CUL3: variants seen among roughly 807,000 people sequenced by gnomAD.
The protein encoded by CUL3 is cullin-3.
In CUL3, 19 loss-of-function variants were observed where a neutral mutation model predicts 89.1. That is an observed-to-expected ratio of 0.21 (90% CI 0.15 to 0.31). The LOEUF (loss-of-function observed/expected upper bound fraction) is 0.31. Among genes scored for constraint, CUL3 ranks in the 10% least tolerant of loss-of-function variants. The probability of loss-of-function intolerance (pLI) is 1.00; values close to 1 mark genes in which losing one functional copy is unlikely to be tolerated. For missense variants in CUL3, 469 were observed against 942.3 expected (o/e 0.50, Z 6.58); for synonymous variants, 351 against 308.4 (o/e 1.14, Z -1.45).
rs1406834508 is a variant in CUL3, at chr2:224,470,801, ATTAAC to A, written c.*3439_*3443del. 10 of 231,270 alleles carry A rather than the reference ATTAAC, an allele frequency of 4.3e-5. No individual in the cohort carries two copies. The highest frequency in any genetic ancestry group is 7.7e-5 in the Non-Finnish European group (9 of 116,924). The allele number at this position is 231,270 out of a possible 1,614,324, so 14.3% of individuals were successfully genotyped here. A position where few individuals can be genotyped will look rare whatever the true frequency, so the allele number is the denominator to read the frequency against. ...AATTCCATATTGCAATGCTTCATGT[ATTAAC>A]TTTAGTTTGTCACATTACTATTCAT... On this transcript the variant is annotated 3_prime_UTR_variant, in exon 16 of 16. Coordinates refer to ENST00000264414, the MANE Select transcript of CUL3 (RefSeq NM_003590.5).
intron 1 of CUL3, among the ~76,000 whole-genome samples, chr2:224,568,939 C>A (rs545167427): frequency 1.3e-5 from 2 of 152,292 alleles, no homozygotes; most frequent in African/African-American, 2.4e-5. Flanking sequence ...ACTTGCCCAT[C>A]CCTGACACAG....
chr2:224,577,294 C>T (rs1056905906), intron 1 of CUL3, among the ~76,000 whole-genome samples: 2 of 152,130 alleles, frequency 1.3e-5, no homozygotes, highest in Non-Finnish European at 1.5e-5. Flanking sequence ...AGAGGCCGGG[C>T]GCGGTGGCTC....
At chr2:224,572,486 A>G (rs1451458841) in intron 1 of CUL3, among the ~76,000 whole-genome samples, 3 of 151,922 alleles carry the variant, frequency 2.0e-5, no homozygotes, top group Non-Finnish European at 4.4e-5. Context: ...CTCTTAAAAA[A>G]AAAAAAAAAA....
At chr2:224,514,223 C>A (rs1383307660) in intron 4 of CUL3, among the ~76,000 whole-genome samples, 1 of 151,672 alleles carries the variant, frequency 6.6e-6, no homozygotes, top group Non-Finnish European at 1.5e-5. Context: ...AGTTCTTAGT[C>A]ATTTTAGACT....
At chr2:224,556,628 C>CAGG (rs1373615748) in intron 2 of CUL3, among the ~76,000 whole-genome samples, 2 of 152,110 alleles carry the variant, frequency 1.3e-5, no homozygotes, top group African/African-American at 4.8e-5. Flanking sequence ...CACCACTAAA[C>CAGG]AGGACAATTG....
intron 3 of CUL3, among the ~76,000 whole-genome samples, chr2:224,517,188 G>A (rs1248396770): frequency 6.6e-6 from 1 of 152,122 alleles, no homozygotes; most frequent in East Asian, 1.9e-4. Context: ...AAGCACCAGA[G>A]ACAGGAGAAT....
intron 14 of CUL3, among the ~76,000 whole-genome samples, chr2:224,481,066 C>T (rs1353455424): frequency 6.6e-6 from 1 of 152,044 alleles, no homozygotes; most frequent in East Asian, 1.9e-4. Flanking sequence ...TGGTAATCAA[C>T]TGTATATTTA....
chr2:224,564,272 G>C (rs1441622753), intron 1 of CUL3, among the ~76,000 whole-genome samples: 1 of 152,218 alleles, frequency 6.6e-6, no homozygotes, highest in Non-Finnish European at 1.5e-5. Context: ...AACAGAGCAA[G>C]ACTCTGTCTC....
intron 6 of CUL3, among the ~76,000 whole-genome samples, chr2:224,508,828 G>C (rs945047347): frequency 1.3e-5 from 2 of 151,948 alleles, no homozygotes; most frequent in Admixed American, 1.3e-4. Context: ...CGGGCGTGGT[G>C]GCGGGAGCCT....
At chr2:224,558,922 G>C (rs1312045258) in intron 1 of CUL3, among the ~76,000 whole-genome samples, 1 of 151,590 alleles carries the variant, frequency 6.6e-6, no homozygotes, top group East Asian at 1.9e-4. Context: ...CAGGCGTGGT[G>C]GTGGGCGCCT....
chr2:224,470,561 A>G lies in CUL3; in HGVS notation c.*3684T>C, dbSNP rs1290176831. 4.3e-6 allele frequency: 1 copy of G among 231,778 alleles called. No homozygotes were observed. Among genetic ancestry groups the G allele is most frequent in the African/African-American group, 2.2e-5 (1 of 45,286 alleles). The allele number at this position is 231,778 out of a possible 1,614,324, so 14.4% of individuals were successfully genotyped here. A position where few individuals can be genotyped will look rare whatever the true frequency, so the allele number is the denominator to read the frequency against. ...TGACATAGGAAAGGCACACAAAGGA[A>G]AACATTTTGTAAAACTGTAGATTTG... On this transcript the variant is annotated 3_prime_UTR_variant, in exon 16 of 16. Transcript: ENST00000264414.
At chr2:224,513,173 A>G (rs970163018) in intron 5 of CUL3, among the ~76,000 whole-genome samples, 4 of 152,208 alleles carry the variant, frequency 2.6e-5, no homozygotes, top group African/African-American at 4.8e-5. Context: ...GTTATCTGTA[A>G]GGTTTTCAGT....
At chr2:224,555,887 C>T (rs953650388) in intron 2 of CUL3, among the ~76,000 whole-genome samples, 1 of 152,170 alleles carries the variant, frequency 6.6e-6, no homozygotes, top group African/African-American at 2.4e-5. Flanking sequence ...TATATAATGC[C>T]TCACACGGTT....
intron 3 of CUL3, among the ~76,000 whole-genome samples, chr2:224,515,821 T>C (rs1693017964): frequency 6.6e-6 from 1 of 151,888 alleles, no homozygotes; most frequent in Non-Finnish European, 1.5e-5. Context: ...GCCTTCTGAG[T>C]AGTTGACATT....
intron 3 of CUL3, among the ~76,000 whole-genome samples, chr2:224,524,071 G>C (rs893994454): frequency 3.3e-5 from 5 of 152,060 alleles, no homozygotes; most frequent in South Asian, 2.1e-4. Context: ...AATTTTATAT[G>C]TATTTGACCA....
chr2:224,574,342 C>T (rs537725544), intron 1 of CUL3, among the ~76,000 whole-genome samples: 1 of 152,250 alleles, frequency 6.6e-6, no homozygotes, highest in East Asian at 1.9e-4. Flanking sequence ...AAAAAGAATG[C>T]TGTCTAGTAG....
intron 13 of CUL3, among the ~76,000 whole-genome samples, chr2:224,486,441 A>G (rs1691724987): frequency 6.6e-6 from 1 of 152,124 alleles, no homozygotes; most frequent in African/African-American, 2.4e-5. Flanking sequence ...ATGGAGCTGA[A>G]AAACACAGCA....
rs1055790529 is a variant in CUL3 at position 224,472,025 on chromosome 2, C to A, written c.*2220G>T. ...CAATGTTAAATGTATTTTGTTATAA[C>A]CTTTATGACCTAAAATAATACTTAT... On this transcript the variant is annotated 3_prime_UTR_variant, in exon 16 of 16. Coordinates refer to ENST00000264414, the MANE Select transcript of CUL3 (RefSeq NM_003590.5). The A allele has an allele frequency of 8.7e-6, 2 of 230,770 alleles. No individual in the cohort carries two copies. The highest frequency in any genetic ancestry group is 2.2e-5 in the African/African-American group (1 of 45,206). 14.3% of individuals were successfully genotyped at this position (230,770 alleles called of 1,614,324 possible). A position where few individuals can be genotyped will look rare whatever the true frequency, so the allele number is the denominator to read the frequency against.
chr2:224,521,462 G>A (rs979467776), intron 3 of CUL3, among the ~76,000 whole-genome samples: 24 of 148,292 alleles, frequency 1.6e-4, no homozygotes, highest in African/African-American at 5.5e-4. Flanking sequence ...ACAGAGTCTC[G>A]CTCTGTTGCC....
Sources: allele counts gnomAD v4.1 joint callset (sites outside exome capture counted in the v4.1 genomes callset), GRCh38; gene constraint gnomAD v4.1.1; transcripts MANE v1.5; gene names NCBI Gene and HGNC (gene_info 2026-07-23, HGNC 2026-07-21).